ZSCAN25: variants seen among roughly 807,000 people sequenced by gnomAD.
The protein encoded by ZSCAN25 is zinc finger and SCAN domain-containing protein 25.
A neutral mutation model predicts 38.7 loss-of-function variants in ZSCAN25; 27 were observed. That is an observed-to-expected ratio of 0.70 (90% CI 0.51 to 0.96). The LOEUF (loss-of-function observed/expected upper bound fraction) is 0.96, where lower values mean the gene tolerates loss of function less well. Ranked by LOEUF, ZSCAN25 falls within the 40% of genes least tolerant of loss-of-function variation. The pLI is 0.00. For missense variants in ZSCAN25, 637 were observed against 705.9 expected, an observed-to-expected ratio of 0.90 and a Z score of 1.11; for synonymous variants, 273 against 277.7, an observed-to-expected ratio of 0.98 and a Z score of 0.17.
the ZSCAN25 span, among the ~76,000 whole-genome samples, chr7:99,737,142 A>G: frequency 1.6e-4 from 24 of 152,298 alleles, no homozygotes; most frequent in African/African-American, 5.3e-4. Flanking sequence ...AGCACATTAA[A>G]TAGGGCCATG....
the ZSCAN25 span, among the ~76,000 whole-genome samples, chr7:99,699,201 A>G: frequency 3.3e-5 from 5 of 152,248 alleles, no homozygotes; most frequent in African/African-American, 1.2e-4. Flanking sequence ...AAAGCTCTAT[A>G]TTAATGCTAG....
downstream of ZSCAN25, among the ~76,000 whole-genome samples, chr7:99,635,345 A>G (rs1286303100): frequency 6.6e-6 from 1 of 152,178 alleles, no homozygotes; most frequent in Non-Finnish European, 1.5e-5. Flanking sequence ...AAATTCACAT[A>G]AATACAGAAA....
the ZSCAN25 span, among the ~76,000 whole-genome samples, chr7:99,640,405 G>A: frequency 6.6e-6 from 1 of 152,138 alleles, no homozygotes; most frequent in Admixed American, 6.5e-5. Flanking sequence ...TGATCCATCC[G>A]CCTTGCCCTC....
At chr7:99,675,610 C>CTTT in the ZSCAN25 span, among the ~76,000 whole-genome samples, 1 of 124,910 alleles carries the variant, frequency 8.0e-6, no homozygotes, top group Non-Finnish European at 1.7e-5. Context: ...CTCTCCTCTC[C>CTTT]TCTCTCCTCT....
intron 3 of ZSCAN25, among the ~76,000 whole-genome samples, 200 bp downstream of exon 3, chr7:99,619,332 T>C (rs750248398): frequency 7.2e-5 from 11 of 152,226 alleles, no homozygotes; most frequent in Non-Finnish European, 1.6e-4. Flanking sequence ...TCCTAAGTTA[T>C]TTGTGGGTAT....
the ZSCAN25 span, among the ~76,000 whole-genome samples, chr7:99,653,858 C>T: frequency 6.6e-6 from 1 of 152,178 alleles, no homozygotes; most frequent in Admixed American, 6.5e-5. This position sits in a 1 kb window ranked among gnomAD's most constrained non-coding sequence, Gnocchi z 4.2. Flanking sequence ...GAGTTTAGCT[C>T]AGGAGTCAGA....
chr7:99,709,114 C>A, the ZSCAN25 span: 1 of 1,613,946 alleles, frequency 6.2e-7, no homozygotes, highest in Non-Finnish European at 8.5e-7. Context: ...ATCACCACCA[C>A]CCCTTTGGGA....
chr7:99,667,935 A>G, the ZSCAN25 span, among the ~76,000 whole-genome samples: 10 of 152,336 alleles, frequency 6.6e-5, no homozygotes, highest in Non-Finnish European at 1.0e-4. Context: ...CTGATGTCTT[A>G]ATACACTAGA....
the ZSCAN25 span, among the ~76,000 whole-genome samples, chr7:99,647,195 A>G: frequency 6.6e-6 from 1 of 152,042 alleles, no homozygotes; most frequent in African/African-American, 2.4e-5. Context: ...TGAAGGCCAC[A>G]CCTCTGTGTG....
the ZSCAN25 span, chr7:99,714,514 T>A: frequency 2.5e-6 from 4 of 1,607,944 alleles, no homozygotes; most frequent in Non-Finnish European, 2.5e-6. Context: ...TAAAAAATTA[T>A]GAAAACTAAA....
chr7:99,644,901 A>G, the ZSCAN25 span, among the ~76,000 whole-genome samples: 2 of 152,070 alleles, frequency 1.3e-5, no homozygotes, highest in Non-Finnish European at 2.9e-5. Flanking sequence ...TTCACTGCAG[A>G]CACTCCTGAT....
chr7:99,691,261 G>A, the ZSCAN25 span, among the ~76,000 whole-genome samples: 1 of 151,860 alleles, frequency 6.6e-6, no homozygotes, highest in Non-Finnish European at 1.5e-5. Context: ...CATGGACACA[G>A]GAAGGGGAAC....
At chr7:99,674,646 A>C in the ZSCAN25 span, 2 of 1,437,012 alleles carry the variant, frequency 1.4e-6, no homozygotes, top group African/African-American at 2.9e-5. Flanking sequence ...CCCTACCTCT[A>C]ATTGGGGCTG....
the ZSCAN25 span, among the ~76,000 whole-genome samples, chr7:99,716,197 C>G: frequency 6.6e-6 from 1 of 152,156 alleles, no homozygotes; most frequent in African/African-American, 2.4e-5. Flanking sequence ...CAGACAACTG[C>G]AGTAGCATGT....
chr7:99,626,913 C>T (rs553274596), intron 7 of ZSCAN25, among the ~76,000 whole-genome samples: 4 of 152,328 alleles, frequency 2.6e-5, no homozygotes, highest in Admixed American at 2.6e-4. Flanking sequence ...GGGTTTCTCA[C>T]TGCTAGGTCC....
chr7:99,718,401 C>T, the ZSCAN25 span, among the ~76,000 whole-genome samples: 3 of 151,948 alleles, frequency 2.0e-5, no homozygotes, highest in Non-Finnish European at 4.4e-5. Context: ...TTATTTTTGC[C>T]AGCTTGGATC....
At chr7:99,658,916 A>G in the ZSCAN25 span, 1 of 152,170 alleles carries the variant, frequency 6.6e-6, no homozygotes, top group Admixed American at 6.5e-5. Flanking sequence ...TTCTCGTGCC[A>G]TGGTCTTCAG....
At chr7:99,640,156 T>C in the ZSCAN25 span, among the ~76,000 whole-genome samples, 14 of 152,204 alleles carry the variant, frequency 9.2e-5, no homozygotes, top group African/African-American at 3.1e-4. Flanking sequence ...CAAAATCTAT[T>C]TCTCCTTTAT....
chr7:99,684,114 T>C, the ZSCAN25 span, among the ~76,000 whole-genome samples: 24 of 151,832 alleles, frequency 1.6e-4, no homozygotes, highest in African/African-American at 5.8e-4. Context: ...AAACTAATAA[T>C]ATAATAAGGG....
Sources: gnomAD v4.1 joint callset for allele counts (sites outside exome capture counted in the v4.1 genomes callset) on GRCh38, gnomAD v4.1.1 for gene constraint, Gnocchi (gnomAD v3.1) non-coding constraint, MANE v1.5 for transcripts, NCBI Gene and HGNC (gene_info 2026-07-23, HGNC 2026-07-21) for gene names.